Variants in ZG16B observed in about 807,000 individuals in gnomAD.
ZG16B encodes the protein pancreatic adenocarcinoma up-regulated factor.
In ZG16B, 8 loss-of-function variants were observed where a neutral mutation model predicts 7.0. That is an observed-to-expected ratio of 1.15 (90% CI 0.68 to 2.08). The LOEUF is 2.08. ZG16B is among the 30% of genes most tolerant of loss of function. The pLI is 0.00. For synonymous variants in ZG16B, 92 were observed against 86.1 expected (o/e 1.07, Z -0.38); for missense variants, 232 against 211.0 (o/e 1.10, Z -0.62).
chr16:2,832,246 GAATC>G lies in ZG16B; in HGVS notation c.*88_*91del. The G allele has an allele frequency of 6.6e-7, 1 of 1,518,028 alleles. No homozygotes were observed. The highest frequency in any genetic ancestry group is 2.3e-5 in the East Asian group (1 of 44,100). The allele number at this position is 1,518,028 out of a possible 1,614,324, so 94.0% of individuals were successfully genotyped here. On this transcript the variant is annotated 3_prime_UTR_variant, in exon 4 of 4. Transcript: ENST00000382280. ...GTAACTGAGTCGGGACGCTGAATCT[GAATC>G]CACCAATAAATAAAGGTTCTGCAGA...
Position 2,831,856 on chromosome 16 carries a change from C to A in ZG16B, c.216C>A (p.Thr72=). The A allele has an allele frequency of 6.2e-7, 1 of 1,614,020 alleles. No individual in the cohort carries two copies. Among genetic ancestry groups the A allele is most frequent in the Non-Finnish European group, 8.5e-7 (1 of 1,179,996 alleles). Residue 72 remains threonine, a synonymous_variant, in exon 4 of 4, where the codon ACC becomes ACA. Transcript: ENST00000382280. ...AACTGGGAGCCTTAGGTGGGAATACCCAGGAAGTCACCCTGCAGCCAGGCG... is the reference window on the plus strand; with the variant it reads ...AACTGGGAGCCTTAGGTGGGAATACACAGGAAGTCACCCTGCAGCCAGGCG... ...DVKLGALGGN[T]QEVTLQPGEY...
At chr16:2,831,718 G>A in intron 3 of ZG16B, 78 bp from the exon 4 acceptor site, 1 of 1,533,784 alleles carries the variant, frequency 6.5e-7, no homozygotes, top group African/African-American at 1.4e-5. Flanking sequence ...TCCCGGGAAG[G>A]AGGATGGGGG....
Position 2,831,844 on chromosome 16 carries a change from AGGTG to A in ZG16B, c.207_210del (p.Gly70IlefsTer81). 1 of 1,614,016 alleles carries A rather than the reference AGGTG, an allele frequency of 6.2e-7. No individual in the cohort carries two copies. The stretch of plus-strand genomic sequence containing the variant: ...CCTGGGACGTGAAACTGGGAGCCTT[AGGTG>A]GGAATACCCAGGAAGTCACCCTGCA... On this transcript the variant is annotated frameshift_variant, in exon 4 of 4. Transcript: ENST00000382280. LOFTEE classifies it low-confidence loss of function (END_TRUNC).
At chr16:2,830,522 C>T in intron 2 of ZG16B, 29 bp downstream of exon 2, 1 of 1,591,152 alleles carries the variant, frequency 6.3e-7, no homozygotes, top group Non-Finnish European at 8.6e-7. Flanking sequence ...CCCTCAATCT[C>T]CCCTGCCTCC....
rs1186925599 is a variant in ZG16B at position 2,830,945 on chromosome 16, C to T, written c.155+149C>T. The T allele has an allele frequency of 6.2e-5, 48 of 774,256 alleles. No homozygotes were observed. In the East Asian group the frequency reaches 1.1e-3, roughly 18 times the overall value. 48.0% of individuals were successfully genotyped at this position (774,256 alleles called of 1,614,324 possible). On this transcript the variant is annotated intron_variant, in intron 3 of 3. Transcript: ENST00000382280. Reference sequence around the variant, plus strand: ...GCTTCCTGGCTCCCGCTGATGCTTCCTGGCTGGAGCGGAGACGGTCAGACC... The same window carrying T: ...GCTTCCTGGCTCCCGCTGATGCTTCTTGGCTGGAGCGGAGACGGTCAGACC...
chr16:2,830,609 G>A (rs926230805), intron 2 of ZG16B, 85 bp from the exon 3 acceptor site: 66 of 1,591,894 alleles, frequency 4.1e-5, no homozygotes, highest in Non-Finnish European at 5.2e-5. Context: ...TCTGCCTGGA[G>A]GGGTGGGGTC....
In ZG16B at chr16:2,831,896, G is replaced by A. The variant is rs2069259144; in HGVS notation, c.256G>A (p.Val86Ile). ...GCAGCCAGGCGAATACATCACAAAA[G>A]TCTTTGTCGCCTTCCAAGCTTTCCT... ...TLQPGEYITKVFVAFQAFLRG... is the reference protein window; with the variant it reads ...TLQPGEYITKIFVAFQAFLRG... Residue 86 changes from valine (V) to isoleucine (I), a missense_variant, in exon 4 of 4, where the codon GTC becomes ATC. Coordinates refer to ENST00000382280, the MANE Select transcript of ZG16B (RefSeq NM_145252.3). 2 of 1,614,138 alleles carry A rather than the reference G, an allele frequency of 1.2e-6. No homozygotes were observed. The highest frequency in any genetic ancestry group is 1.7e-6 in the Non-Finnish European group (2 of 1,180,022).
rs2069249672 is a variant in ZG16B at position 2,830,734 on chromosome 16, T to G, written c.93T>G (p.Thr31=). The change falls in exon 3 of 4, where the codon ACT becomes ACG. Residue 31 remains threonine (T), a synonymous_variant. Coordinates refer to ENST00000382280, the MANE Select transcript of ZG16B (RefSeq NM_145252.3). ...GPGGGKYFST[T]EDYDHEITGL... ...GAGGAGGCAAGTATTTCAGCACCAC[T>G]GAAGACTACGACCATGAAATCACAG... 1 of 1,614,218 alleles carries G rather than the reference T, an allele frequency of 6.2e-7. No individual in the cohort carries two copies. Among genetic ancestry groups the G allele is most frequent in the Non-Finnish European group, 8.5e-7 (1 of 1,180,036 alleles).
At position 2,830,760 on chromosome 16, in the gene ZG16B, G is replaced by T. The variant is rs768940863; in HGVS notation, c.119G>T (p.Gly40Val). The T allele has an allele frequency of 1.9e-6, 3 of 1,614,082 alleles. No homozygotes were observed. In the African/African-American group the frequency reaches 4.0e-5, roughly 22 times the overall value. Residue 40 changes from glycine to valine, a missense_variant, in exon 3 of 4, where the codon GGG becomes GTG. Transcript: ENST00000382280. The stretch of plus-strand genomic sequence containing the variant: ...GAAGACTACGACCATGAAATCACAG[G>T]GCTGCGGGTGTCTGTAGGTCTTCTC... The part of the protein sequence containing the change: ...TTEDYDHEIT[G>V]LRVSVGLLLV...
At position 2,830,422 on chromosome 16, in the gene ZG16B, G is replaced by A; in HGVS notation, c.-20G>A. ...CCTCTCTTCTTCCCACAGAGCCCTG[G>A]GATGCACCGGCCAGAGGCCATGCTG... On this transcript the variant is annotated 5_prime_UTR_variant, in exon 2 of 4. Coordinates refer to ENST00000382280, the MANE Select transcript of ZG16B (RefSeq NM_145252.3). 6.2e-7 allele frequency: 1 copy of A among 1,603,936 alleles called. No individual in the cohort carries two copies. The highest frequency in any genetic ancestry group is 8.5e-7 in the Non-Finnish European group (1 of 1,175,856).
In ZG16B at chr16:2,832,219, G is replaced by C. The variant is rs1025894081; in HGVS notation, c.*60G>C. 2.6e-6 allele frequency: 4 copies of C among 1,557,654 alleles called. No homozygotes were observed. Among genetic ancestry groups the C allele is most frequent in the Non-Finnish European group, 3.5e-6 (4 of 1,151,566 alleles). ...TGGGTGGTGGTGGCTGATGGTACTG[G>C]AGTAACTGAGTCGGGACGCTGAATC... On this transcript the variant is annotated 3_prime_UTR_variant, in exon 4 of 4. Transcript: ENST00000382280.
chr16:2,831,442 G>A (rs571569901), intron 3 of ZG16B, among the ~76,000 whole-genome samples: 10 of 152,290 alleles, frequency 6.6e-5, no homozygotes, highest in East Asian at 1.9e-4. Context: ...GTCCAGGCTC[G>A]GCCAGAGGCA....
Position 2,832,187 on chromosome 16 carries a change from G to T in ZG16B, c.*28G>T, listed in dbSNP as rs752394762. The T allele has an allele frequency of 6.3e-7, 1 of 1,598,142 alleles. No homozygotes were observed. The highest frequency in any genetic ancestry group is 8.6e-7 in the Non-Finnish European group (1 of 1,169,520). On this transcript the variant is annotated 3_prime_UTR_variant, in exon 4 of 4. Coordinates refer to ENST00000382280, the MANE Select transcript of ZG16B (RefSeq NM_145252.3). The stretch of plus-strand genomic sequence containing the variant: ...TGGGGTATGGGGCCATCCGAGCTGA[G>T]GCCATCTGGGTGGTGGTGGCTGATG...
At chr16:2,831,723 T>TG in intron 3 of ZG16B, 73 bp from the exon 4 acceptor site, 1 of 1,539,818 alleles carries the variant, frequency 6.5e-7, no homozygotes, top group Non-Finnish European at 8.7e-7. Context: ...GGAAGGAGGA[T>TG]GGGGGCGCTG....
chr16:2,830,882 G>A (rs530557876), intron 3 of ZG16B, 86 bp downstream of exon 3: 66 of 1,442,646 alleles, frequency 4.6e-5, no homozygotes, highest in Middle Eastern at 4.8e-4. Flanking sequence ...GTAAGCACCC[G>A]TGGCCACTTT....
intron 3 of ZG16B, 69 bp downstream of exon 3, chr16:2,830,865 G>T: frequency 6.3e-7 from 1 of 1,575,070 alleles, no homozygotes; most frequent in Non-Finnish European, 8.7e-7. Flanking sequence ...GGAACTCAGG[G>T]CAGGGGGTAA....
chr16:2,831,524 C>G (rs945498991), intron 3 of ZG16B, among the ~76,000 whole-genome samples: 1 of 152,228 alleles, frequency 6.6e-6, no homozygotes, highest in East Asian at 1.9e-4. Flanking sequence ...GCACGCAGCT[C>G]TCCTCACCAG....
intron 3 of ZG16B, 28 bp from the exon 4 acceptor site, chr16:2,831,768 G>A (rs1466983463): frequency 1.9e-6 from 3 of 1,591,538 alleles, no homozygotes; most frequent in African/African-American, 2.7e-5. Flanking sequence ...CCCAGATCTG[G>A]ACGTCCAAAG....
At chr16:2,830,923 T>C (rs1401300132) in intron 3 of ZG16B, 127 bp downstream of exon 3, 1 of 900,790 alleles carries the variant, frequency 1.1e-6, no homozygotes, top group Non-Finnish European at 1.8e-6. Context: ...TGTCGATGCT[T>C]CCTGGCTCCC....
Sources: gnomAD v4.1 joint callset for allele counts (sites outside exome capture counted in the v4.1 genomes callset) on GRCh38, gnomAD v4.1.1 for gene constraint, MANE v1.5 for transcripts, NCBI Gene and HGNC (gene_info 2026-07-23, HGNC 2026-07-21) for gene names.